ATXN1: variants seen among roughly 807,000 people sequenced by gnomAD.
The protein encoded by ATXN1 is ataxin-1.
In ATXN1, 8 loss-of-function variants were observed where a neutral mutation model predicts 56.4. The ratio of observed to expected loss-of-function variants is 0.14; its 90% CI spans 0.08 to 0.26. The LOEUF is 0.26. Among genes scored for constraint, ATXN1 ranks in the 10% least tolerant of loss-of-function variants. The pLI is 1.00. For synonymous variants in ATXN1, 514 were observed against 494.6 expected, an observed-to-expected ratio of 1.04 and a Z score of -0.52; for missense variants, 987 against 1,106.5, an observed-to-expected ratio of 0.89 and a Z score of 1.53.
At chr6:16,744,753 C>T (rs1277685873) in intron 2 of ATXN1, among the ~76,000 whole-genome samples, 4 of 152,162 alleles carry the variant, frequency 2.6e-5, no homozygotes, top group African/African-American at 7.2e-5. Context: ...GTGGACCACT[C>T]GCCAGCCTGG....
In ATXN1 at chr6:16,313,335, AC is replaced by A. The variant is rs1760442048; in HGVS notation, c.1918-6477del. On this transcript the variant is annotated intron_variant, in intron 7 of 7. Transcript: ENST00000436367. Reference sequence around the variant, plus strand: ...GTTCAGTTACAGAGGTGCGAGGGTCACTCGAGCTACTGCACCACTCCAGCCT... The same window carrying A: ...GTTCAGTTACAGAGGTGCGAGGGTCATCGAGCTACTGCACCACTCCAGCCT... Among the ~76,000 whole-genome samples, 4 of 152,174 alleles carry A rather than the reference AC, an allele frequency of 2.6e-5. No individual in the cohort carries two copies. The South Asian group carries it at 8.3e-4, about 32-fold the overall frequency.
chr6:16,418,074 G>A (rs188033477), intron 6 of ATXN1, among the ~76,000 whole-genome samples: 3 of 152,302 alleles, frequency 2.0e-5, no homozygotes, highest in Admixed American at 1.3e-4. Flanking sequence ...TGGTCCCAAC[G>A]CTCTGGTGTA....
chr6:16,530,088 G>C (rs1162001422), intron 4 of ATXN1, among the ~76,000 whole-genome samples: 2 of 151,956 alleles, frequency 1.3e-5, no homozygotes, highest in African/African-American at 4.8e-5. Context: ...CATGAAATTT[G>C]GTAGATATCT....
intron 6 of ATXN1, among the ~76,000 whole-genome samples, chr6:16,471,232 T>C (rs779513822): frequency 3.4e-5 from 5 of 148,656 alleles, no homozygotes; most frequent in Non-Finnish European, 7.4e-5. Flanking sequence ...AATTCAAAAC[T>C]TGAAAAGGGC....
intron 2 of ATXN1, among the ~76,000 whole-genome samples, chr6:16,694,251 T>C (rs1013014371): frequency 3.5e-5 from 5 of 142,002 alleles, no homozygotes; most frequent in African/African-American, 4.9e-5. Context: ...TTTTTTTTTT[T>C]CTTTTTTTTT....
rs545925699 is a variant in ATXN1 at position 16,381,287 on chromosome 6, A to G, written c.-160-52817T>C. On this transcript the variant is annotated intron_variant, in intron 6 of 7. Coordinates refer to ENST00000436367, the MANE Select transcript of ATXN1 (RefSeq NM_001128164.2). The stretch of plus-strand genomic sequence containing the variant: ...GGTGACAGAGCAAGACTCCATCATG[A>G]AAAAAAAAGGGGGAAATGTGGACTC... 7.3e-5 allele frequency among the ~76,000 whole-genome samples: 11 copies of G among 151,408 alleles called. No homozygotes were observed. In the South Asian group the frequency reaches 2.1e-3, roughly 29 times the overall value.
intron 4 of ATXN1, among the ~76,000 whole-genome samples, chr6:16,540,997 T>C (rs1389879349): frequency 1.3e-5 from 2 of 152,244 alleles, no homozygotes; most frequent in African/African-American, 2.4e-5. Flanking sequence ...TAAGGTCATA[T>C]TGCTTTGAAT....
intron 4 of ATXN1, among the ~76,000 whole-genome samples, chr6:16,579,956 T>A (rs190867592): frequency 6.6e-6 from 1 of 152,252 alleles, no homozygotes; most frequent in Non-Finnish European, 1.5e-5. Context: ...TACTAAAACA[T>A]TCAGCAAAAA....
At chr6:16,693,186 A>T (rs994285472) in intron 2 of ATXN1, among the ~76,000 whole-genome samples, 2 of 152,222 alleles carry the variant, frequency 1.3e-5, no homozygotes, top group African/African-American at 4.8e-5. Context: ...CAGCACAAAG[A>T]ACATCAGAGA....
chr6:16,445,934 T>C (rs888625737), intron 6 of ATXN1, among the ~76,000 whole-genome samples: 4 of 151,892 alleles, frequency 2.6e-5, no homozygotes, highest in African/African-American at 4.8e-5. Flanking sequence ...TGTTGGACAT[T>C]TGGGTTGGTT....
Position 16,633,185 on chromosome 6 carries a change from T to C in ATXN1, c.-489+24591A>G, listed in dbSNP as rs575120037. Among the ~76,000 whole-genome samples, 77 of 152,358 alleles carry C rather than the reference T, an allele frequency of 5.1e-4. 1 individual carries two copies. In the Middle Eastern group the frequency reaches 0.01, roughly 20 times the overall value. ...ATAAAGAAACATTTAAAAGGAGGCA[T>C]GTTTCACCTGTTAACTTGTTTACTT... On this transcript the variant is annotated intron_variant, in intron 3 of 7. Coordinates refer to ENST00000436367, the MANE Select transcript of ATXN1 (RefSeq NM_001128164.2).
At chr6:16,494,482 G>C (rs1434693622) in intron 5 of ATXN1, among the ~76,000 whole-genome samples, 1 of 152,024 alleles carries the variant, frequency 6.6e-6, no homozygotes, top group Non-Finnish European at 1.5e-5. Context: ...TATCCTCAAA[G>C]GTTTTTTAAA....
chr6:16,606,256 G>A (rs1168372936), intron 3 of ATXN1, among the ~76,000 whole-genome samples: 1 of 152,174 alleles, frequency 6.6e-6, no homozygotes, highest in Admixed American at 6.5e-5. Flanking sequence ...TCAATATTCA[G>A]TATTCAATAA....
chr6:16,566,997 G>A (rs1157065063), intron 4 of ATXN1, among the ~76,000 whole-genome samples: 1 of 152,198 alleles, frequency 6.6e-6, no homozygotes, highest in Non-Finnish European at 1.5e-5. Context: ...AACAACCTGA[G>A]CATATTTAAT....
At chr6:16,697,357 C>T (rs1374236318) in intron 2 of ATXN1, among the ~76,000 whole-genome samples, 2 of 152,154 alleles carry the variant, frequency 1.3e-5, no homozygotes, top group Non-Finnish European at 2.9e-5. Context: ...TTGTCTAAGA[C>T]TCTACTCAGG....
chr6:16,422,058 T>A (rs1000322654), intron 6 of ATXN1, among the ~76,000 whole-genome samples: 9 of 151,942 alleles, frequency 5.9e-5, no homozygotes, highest in African/African-American at 1.7e-4. Flanking sequence ...TTTTTTTTTT[T>A]ATTTGCCTCT....
chr6:16,704,953 G>A (rs577884752), intron 2 of ATXN1, among the ~76,000 whole-genome samples: 13 of 152,312 alleles, frequency 8.5e-5, no homozygotes, highest in Non-Finnish European at 1.3e-4. Context: ...CCACACTGTA[G>A]CCCTACACCA....
intron 6 of ATXN1, among the ~76,000 whole-genome samples, chr6:16,471,499 G>A (rs1033736970): frequency 3.3e-5 from 5 of 152,116 alleles, no homozygotes; most frequent in African/African-American, 1.2e-4. Flanking sequence ...TTGGATCAGA[G>A]GGGTTTTAAT....
At chr6:16,344,733 G>A (rs1208913899) in intron 6 of ATXN1, among the ~76,000 whole-genome samples, 1 of 152,204 alleles carries the variant, frequency 6.6e-6, no homozygotes, top group Admixed American at 6.5e-5. Context: ...TCAGCTTGCA[G>A]GTGGCCTATT....
Sources: allele counts gnomAD v4.1 joint callset (sites outside exome capture counted in the v4.1 genomes callset), GRCh38; gene constraint gnomAD v4.1.1; transcripts MANE v1.5; gene names NCBI Gene and HGNC (gene_info 2026-07-23, HGNC 2026-07-21).